The following KCNH5 variants were observed in gnomAD, a reference collection of about 807,000 sequenced individuals.
The protein encoded by KCNH5 is potassium voltage-gated channel subfamily H member 5, also known as voltage-gated delayed rectifier potassium channel KCNH5.
A neutral mutation model predicts 96.1 loss-of-function variants in KCNH5; 46 were observed. That is an observed-to-expected ratio of 0.48 (90% CI 0.38 to 0.61). The LOEUF (loss-of-function observed/expected upper bound fraction) is 0.61. Among genes scored for constraint, KCNH5 ranks in the 20% least tolerant of loss-of-function variants. KCNH5 has a pLI of 0.00. For synonymous variants in KCNH5, 439 were observed against 449.8 expected (o/e 0.98, Z 0.30); for missense variants, 907 against 1,225.8 (o/e 0.74, Z 3.88).
chr14:62,891,392 CTG>C (rs1888708270), intron 7 of KCNH5, among the ~76,000 whole-genome samples: 1 of 152,082 alleles, frequency 6.6e-6, no homozygotes, highest in Non-Finnish European at 1.5e-5. Context: ...ACAGCAGACA[CTG>C]GGGTCTACTT....
At chr14:62,997,804 G>A (rs1458944807) in intron 4 of KCNH5, among the ~76,000 whole-genome samples, 1 of 149,578 alleles carries the variant, frequency 6.7e-6, no homozygotes, top group Non-Finnish European at 1.5e-5. Flanking sequence ...GAAGGCTGAG[G>A]CAGGAGAATG....
intron 1 of KCNH5, among the ~76,000 whole-genome samples, chr14:63,032,309 G>C (rs1891644060): frequency 1.3e-5 from 2 of 151,962 alleles, no homozygotes. Context: ...GTGCAGGCAA[G>C]ACTACAAACC....
intron 7 of KCNH5, among the ~76,000 whole-genome samples, chr14:62,876,098 C>T (rs907393890): frequency 2.0e-5 from 3 of 152,024 alleles, no homozygotes; most frequent in South Asian, 2.1e-4. Flanking sequence ...ACCTGGGAGG[C>T]GGAGGTTGCA....
chr14:62,961,902 TGCA>T (rs1400775380), intron 6 of KCNH5, among the ~76,000 whole-genome samples: 3,369 of 147,452 alleles, frequency 0.023, 68 homozygotes, highest in African/African-American at 0.062. Flanking sequence ...ATGGAGATGA[TGCA>T]GATGGAGATG....
chr14:62,998,129 G>C (rs1293308939), intron 4 of KCNH5, among the ~76,000 whole-genome samples: 1 of 151,990 alleles, frequency 6.6e-6, no homozygotes, highest in Non-Finnish European at 1.5e-5. Flanking sequence ...CTTGGTTTTG[G>C]AAGATTATTA....
chr14:62,835,927 A>G (rs1887457486), intron 8 of KCNH5, among the ~76,000 whole-genome samples: 1 of 152,076 alleles, frequency 6.6e-6, no homozygotes, highest in African/African-American at 2.4e-5. Context: ...TGATTTCATT[A>G]CAAGAATTTT....
chr14:62,853,036 A>G (rs1887838797), intron 7 of KCNH5, among the ~76,000 whole-genome samples: 1 of 152,202 alleles, frequency 6.6e-6, no homozygotes, highest in Admixed American at 6.5e-5. Context: ...CCTCTCTCCA[A>G]CAGCCAAATG....
At chr14:63,021,148 C>A (rs1292787494) in intron 1 of KCNH5, among the ~76,000 whole-genome samples, 1 of 152,090 alleles carries the variant, frequency 6.6e-6, no homozygotes, top group Non-Finnish European at 1.5e-5. Context: ...GGCCATACAG[C>A]TACATGGTAT....
At chr14:62,797,754 C>T (rs1405372309) in intron 9 of KCNH5, among the ~76,000 whole-genome samples, 1 of 150,388 alleles carries the variant, frequency 6.6e-6, no homozygotes. Context: ...CTCACTCTGT[C>T]GCCCAGGCTG....
intron 10 of KCNH5, among the ~76,000 whole-genome samples, chr14:62,730,360 A>G (rs1236651865): frequency 6.6e-6 from 1 of 152,216 alleles, no homozygotes; most frequent in African/African-American, 2.4e-5. Context: ...ATTTAATTTC[A>G]AGCATTGCCT....
At chr14:62,950,895 A>G (rs868384095) in intron 6 of KCNH5, among the ~76,000 whole-genome samples, 3 of 152,202 alleles carry the variant, frequency 2.0e-5, no homozygotes, top group Non-Finnish European at 4.4e-5. Context: ...TATACAGAGT[A>G]TACAAATAGG....
chr14:62,987,284 C>T (rs1377448138), intron 4 of KCNH5, 97 bp from the exon 5 acceptor site: 1 of 814,238 alleles, frequency 1.2e-6, no homozygotes, highest in Non-Finnish European at 2.1e-6. Context: ...AACCACATAA[C>T]ATCCAAAATG....
intron 7 of KCNH5, among the ~76,000 whole-genome samples, chr14:62,883,333 T>A (rs1484129227): frequency 2.6e-5 from 4 of 152,196 alleles, no homozygotes; most frequent in Non-Finnish European, 4.4e-5. Context: ...ATTAGTCCCT[T>A]ACCCTTAGGA....
chr14:62,840,816 T>C (rs1320820880), intron 8 of KCNH5, among the ~76,000 whole-genome samples: 16 of 151,940 alleles, frequency 1.1e-4, no homozygotes, highest in African/African-American at 3.6e-4. Context: ...TCCACTCACG[T>C]TGACCTCCCC....
At chr14:62,850,912 C>T (rs1887790992) in intron 7 of KCNH5, among the ~76,000 whole-genome samples, 2 of 152,166 alleles carry the variant, frequency 1.3e-5, no homozygotes, top group African/African-American at 4.8e-5. Flanking sequence ...CATCCTACAT[C>T]CTCCAAGCAT....
chr14:62,830,785 A>T (rs919253284), intron 8 of KCNH5, among the ~76,000 whole-genome samples: 2 of 152,138 alleles, frequency 1.3e-5, no homozygotes, highest in African/African-American at 4.8e-5. Context: ...AGGTCAAGGG[A>T]GGATGCAAGG....
At chr14:62,795,796 G>T (rs774435333) in intron 9 of KCNH5, among the ~76,000 whole-genome samples, 1 of 152,016 alleles carries the variant, frequency 6.6e-6, no homozygotes, top group Non-Finnish European at 1.5e-5. Flanking sequence ...AAAATAGGAG[G>T]TACTAAGAAC....
At chr14:62,928,594 C>T (rs1229673129) in intron 7 of KCNH5, among the ~76,000 whole-genome samples, 2 of 152,102 alleles carry the variant, frequency 1.3e-5, no homozygotes, top group African/African-American at 4.8e-5. Flanking sequence ...TTTGTAAGAG[C>T]GTTTGCCCCC....
intron 7 of KCNH5, among the ~76,000 whole-genome samples, chr14:62,879,561 A>G (rs911024309): frequency 2.0e-5 from 3 of 152,162 alleles, no homozygotes; most frequent in Admixed American, 6.6e-5. Context: ...ACAGTCACGT[A>G]TCTTGTAATT....
Sources: allele counts gnomAD v4.1 joint callset (sites outside exome capture counted in the v4.1 genomes callset), GRCh38; gene constraint gnomAD v4.1.1; transcripts MANE v1.5; gene names NCBI Gene and HGNC (gene_info 2026-07-23, HGNC 2026-07-21).